The following HEATR4 variants were observed in gnomAD, a reference collection of about 807,000 sequenced individuals.
HEATR4 encodes the protein HEAT repeat containing 4, also known as HEAT repeat-containing protein 4.
HEATR4 carries 95 observed loss-of-function variants against 108.8 expected under a neutral mutation model. The observed-to-expected ratio is 0.87, with a 90% CI of 0.74 to 1.04. HEATR4 has a LOEUF of 1.04. Ranked by LOEUF, HEATR4 falls within the 50% of genes least tolerant of loss-of-function variation. The pLI, the probability that HEATR4 is intolerant of heterozygous loss-of-function variation, is 0.00. For synonymous variants in HEATR4, 443 were observed against 459.4 expected, an observed-to-expected ratio of 0.96 and a Z score of 0.46; for missense variants, 1,152 against 1,253.8, an observed-to-expected ratio of 0.92 and a Z score of 1.23.
At chr14:73,510,682 T>G (rs1325420048) in intron 7 of HEATR4, among the ~76,000 whole-genome samples, 1 of 152,188 alleles carries the variant, frequency 6.6e-6, no homozygotes, top group African/African-American at 2.4e-5. Flanking sequence ...GTGATCCACC[T>G]GCCTTGGCCT....
At chr14:73,528,392 C>CAAAAAAA (rs371875141) in intron 2 of HEATR4, among the ~76,000 whole-genome samples, 2,856 of 88,386 alleles carry the variant, frequency 0.032, 182 homozygotes, top group Middle Eastern at 0.066. Context: ...AACTTCATCT[C>CAAAAAAA]AAAAAAAAAA....
the HEATR4 span, among the ~76,000 whole-genome samples, chr14:73,601,980 G>A: frequency 2.0e-5 from 3 of 149,962 alleles, no homozygotes; most frequent in East Asian, 2.0e-4. Context: ...TAAATCTGTT[G>A]CCCAGGCTGG....
chr14:73,560,641 GA>G (rs1313488248), upstream of HEATR4, among the ~76,000 whole-genome samples: 1 of 141,196 alleles, frequency 7.1e-6, no homozygotes, highest in African/African-American at 2.6e-5. Context: ...CAGCCTGGGC[GA>G]CAGAGCAAGA....
chr14:73,537,723 C>T lies in HEATR4; in HGVS notation c.-151-7479G>A, dbSNP rs552821252. 2.5e-5 allele frequency: 31 copies of T among 1,245,970 alleles called. 9 individuals carry two copies. The highest frequency in any genetic ancestry group is 2.5e-4 in the South Asian group (18 of 72,730). The allele number at this position is 1,245,970 out of a possible 1,614,324, so 77.2% of individuals were successfully genotyped here. A position where few individuals can be genotyped will look rare whatever the true frequency, so the allele number is the denominator to read the frequency against. On this transcript the variant is annotated intron_variant, in intron 1 of 17. Coordinates refer to ENST00000553558, the MANE Select transcript of HEATR4 (RefSeq NM_001220484.1). ...CTGGTGAAGCGCGACGTGCGAACGC[C>T]CTTGGCCGTGGAGCTGGAGGTGCTG...
chr14:73,479,741 AT>A, intron 17 of HEATR4, among the ~76,000 whole-genome samples: 1 of 150,834 alleles, frequency 6.6e-6, no homozygotes, highest in Non-Finnish European at 1.5e-5. Flanking sequence ...CGCCCAGCTA[AT>A]TTTTTTGTAT....
At chr14:73,573,701 C>CACACT in the HEATR4 span, 1 of 1,254,014 alleles carries the variant, frequency 8.0e-7, no homozygotes, top group African/African-American at 1.5e-5. Context: ...TACCCCAACA[C>CACACT]ACACTACCTT....
the HEATR4 span, chr14:73,574,198 A>G: frequency 2.5e-5 from 4 of 158,736 alleles, no homozygotes; most frequent in East Asian, 1.9e-4. Flanking sequence ...ATTCAATTCT[A>G]TATTACTATA....
the HEATR4 span, among the ~76,000 whole-genome samples, chr14:73,579,890 C>T: frequency 1.4e-4 from 21 of 152,012 alleles, no homozygotes; most frequent in East Asian, 7.7e-4. Flanking sequence ...GTCAGAAGTT[C>T]GAGAGCAGCC....
At chr14:73,570,007 A>G in the HEATR4 span, 4 of 1,394,068 alleles carry the variant, frequency 2.9e-6, no homozygotes, top group South Asian at 3.0e-5. Context: ...TTGCCCAGGC[A>G]GGTTTCGAAT....
At chr14:73,520,764 C>T (rs927643484) in intron 4 of HEATR4, 88 bp downstream of exon 4, 1 of 1,266,498 alleles carries the variant, frequency 7.9e-7, no homozygotes, top group Admixed American at 2.0e-5. Context: ...CTTGTCCATA[C>T]CCACAACTGT....
rs772331853 is a variant in HEATR4, at chr14:73,506,511, C to T, written c.1942G>A (p.Val648Met). 21 of 1,613,760 alleles carry T rather than the reference C, an allele frequency of 1.3e-5. No individual in the cohort carries two copies. Among genetic ancestry groups the T allele is most frequent in the Non-Finnish European group, 1.7e-5 (20 of 1,180,034 alleles). The change falls in exon 10 of 18, where the codon GTG (valine) becomes ATG (methionine). Residue 648 changes from valine (V) to methionine (M), a missense_variant. Transcript: ENST00000553558. ...ATCCGGGAGAAAGCCTGGCAGGCCA[C>T]AATCCGGTTCTTCCATTGACAGCTG... The part of the protein sequence containing the change: ...LNSCQWKNRI[V>M]ACQAFSRISG...
At chr14:73,588,780 AC>A in the HEATR4 span, among the ~76,000 whole-genome samples, 2 of 152,140 alleles carry the variant, frequency 1.3e-5, no homozygotes, top group South Asian at 4.2e-4. Context: ...CAATACATTT[AC>A]TTTTCTTTTT....
chr14:73,500,069 AAC>A (rs1400223476), intron 12 of HEATR4, among the ~76,000 whole-genome samples: 1 of 152,160 alleles, frequency 6.6e-6, no homozygotes, highest in African/African-American at 2.4e-5. Context: ...CTTTACTAAA[AAC>A]ACAAAAAAAT....
At chr14:73,517,184 C>A (rs183715822) in intron 5 of HEATR4, 55 of 152,286 alleles carry the variant, frequency 3.6e-4, no homozygotes, top group African/African-American at 1.3e-3. Context: ...ATCAGCCTCG[C>A]GAGTGGCTGG....
chr14:73,566,689 C>G, the HEATR4 span, among the ~76,000 whole-genome samples: 1 of 152,178 alleles, frequency 6.6e-6, no homozygotes, highest in Admixed American at 6.5e-5. Flanking sequence ...GTGCGGAACG[C>G]AGCCTCAGTT....
chr14:73,515,635 G>A (rs773645597), intron 5 of HEATR4, among the ~76,000 whole-genome samples: 4 of 133,760 alleles, frequency 3.0e-5, no homozygotes, highest in African/African-American at 5.7e-5. Context: ...AGCTGAGATC[G>A]CGCTCCAACC....
the HEATR4 span, among the ~76,000 whole-genome samples, chr14:73,615,054 A>T: frequency 6.9e-6 from 1 of 145,276 alleles, no homozygotes; most frequent in African/African-American, 2.6e-5. Context: ...GCACCGTTGC[A>T]CTCCAGCCTG....
Position 73,492,113 on chromosome 14 carries a change from A to G in HEATR4, c.2844+953T>C, listed in dbSNP as rs779820725. On this transcript the variant is annotated intron_variant, in intron 17 of 17. Coordinates refer to ENST00000553558, the MANE Select transcript of HEATR4 (RefSeq NM_001220484.1). The surrounding 1 kb of genome is among the most constrained non-coding windows in gnomAD (Gnocchi z 4.9). ...GCGTGTATACCGACCCCGAGTCCCAACCGAGGAACTGGCTCTGACATCCAG... is the reference window on the plus strand; with the variant it reads ...GCGTGTATACCGACCCCGAGTCCCAGCCGAGGAACTGGCTCTGACATCCAG... 6 of 1,613,876 alleles carry G rather than the reference A, an allele frequency of 3.7e-6. No individual in the cohort carries two copies. Among genetic ancestry groups the G allele is most frequent in the Non-Finnish European group, 4.2e-6 (5 of 1,179,830 alleles).
chr14:73,606,650 C>A, the HEATR4 span, among the ~76,000 whole-genome samples: 1 of 152,232 alleles, frequency 6.6e-6, no homozygotes, highest in African/African-American at 2.4e-5. Context: ...CCAAAGGTAA[C>A]CTCCCAGGTG....
Sources: gnomAD v4.1 joint callset for allele counts (sites outside exome capture counted in the v4.1 genomes callset) on GRCh38, gnomAD v4.1.1 for gene constraint, Gnocchi (gnomAD v3.1) non-coding constraint, MANE v1.5 for transcripts, NCBI Gene and HGNC (gene_info 2026-07-23, HGNC 2026-07-21) for gene names.